Variants in SP100 observed in about 807,000 individuals in gnomAD.
The protein encoded by SP100 is SP100 nuclear body protein.
SP100 carries 84 observed loss-of-function variants against 130.0 expected under a neutral mutation model. That is an observed-to-expected ratio of 0.65 (90% CI 0.54 to 0.77). The LOEUF is 0.77. SP100 is among the 30% of genes least tolerant of loss of function. The probability of loss-of-function intolerance (pLI) is 0.00; values close to 1 mark genes in which losing one functional copy is unlikely to be tolerated. For synonymous variants in SP100, 331 were observed against 351.7 expected, an observed-to-expected ratio of 0.94 and a Z score of 0.66; for missense variants, 978 against 1,052.2, an observed-to-expected ratio of 0.93 and a Z score of 0.97.
chr2:230,473,881 C>G (rs79461864), intron 16 of SP100, among the ~76,000 whole-genome samples: 147 of 148,580 alleles, frequency 9.9e-4, no homozygotes, highest in African/African-American at 3.5e-3. Context: ...CATCCTTGTT[C>G]TTGAAAAAAA....
At chr2:230,464,935 T>C (rs1426257056) in intron 11 of SP100, among the ~76,000 whole-genome samples, 1 of 152,042 alleles carries the variant, frequency 6.6e-6, no homozygotes, top group Non-Finnish European at 1.5e-5. Flanking sequence ...CTACCAAAAA[T>C]ACAAAAATTA....
chr2:230,528,766 A>T (rs181841860), intron 24 of SP100, among the ~76,000 whole-genome samples: 1 of 152,364 alleles, frequency 6.6e-6, no homozygotes, highest in African/African-American at 2.4e-5. Context: ...ATCCCACAGA[A>T]ATACAAACTA....
intron 24 of SP100, chr2:230,538,308 T>G (rs1692027975): frequency 6.6e-6 from 1 of 152,272 alleles, no homozygotes; most frequent in African/African-American, 2.4e-5. Context: ...GTATTTATTC[T>G]TTCTTGGGGC....
At chr2:230,442,065 A>G (rs2063493029) in intron 2 of SP100, among the ~76,000 whole-genome samples, 3 of 152,172 alleles carry the variant, frequency 2.0e-5, no homozygotes, top group Admixed American at 2.0e-4. Context: ...ATTCAAAACA[A>G]TAATGTAACA....
intron 21 of SP100, among the ~76,000 whole-genome samples, chr2:230,505,275 A>T (rs894471931): frequency 6.6e-6 from 1 of 152,198 alleles, no homozygotes; most frequent in Non-Finnish European, 1.5e-5. Flanking sequence ...AAAGGCCCAC[A>T]AGACATCCAA....
At chr2:230,475,314 T>C (rs1016534105) in intron 17 of SP100, among the ~76,000 whole-genome samples, 1 of 152,218 alleles carries the variant, frequency 6.6e-6, no homozygotes, top group Non-Finnish European at 1.5e-5. Context: ...TTTTTTCATG[T>C]TTGTTGACCA....
At chr2:230,476,077 G>A (rs1335360966) in intron 17 of SP100, among the ~76,000 whole-genome samples, 2 of 152,142 alleles carry the variant, frequency 1.3e-5, no homozygotes, top group African/African-American at 4.8e-5. Context: ...TGTGAAAAAT[G>A]ACGCTTTTAT....
intron 19 of SP100, among the ~76,000 whole-genome samples, chr2:230,500,759 C>G (rs78917595): frequency 6.6e-6 from 1 of 152,086 alleles, no homozygotes; most frequent in Non-Finnish European, 1.5e-5. Flanking sequence ...GAGTCCCACA[C>G]AGAACCACCC....
chr2:230,473,347 A>T lies in SP100; in HGVS notation c.1453A>T (p.Asn485Tyr), dbSNP rs1306161088. The part of the protein sequence containing the change: ...GSGSQPQEPE[N>Y]KKCSCVMCFP... ...AGGATCACAGCCACAAGAACCTGAA[A>T]ATAAGAAGTGCTCCTGTGTCATGTG... The change falls in exon 16 of 29, where the codon AAT (asparagine) becomes TAT (tyrosine). Residue 485 changes from asparagine (N) to tyrosine (Y), a missense_variant. By Grantham distance (143) the Asn-to-Tyr change is moderately radical. Transcript: ENST00000340126. 1 of 1,613,392 alleles carries T rather than the reference A, an allele frequency of 6.2e-7. No individual in the cohort carries two copies. Among genetic ancestry groups the T allele is most frequent in the African/African-American group, 1.3e-5 (1 of 74,920 alleles).
chr2:230,491,780 C>G (rs760949608), intron 17 of SP100, among the ~76,000 whole-genome samples: 1 of 152,186 alleles, frequency 6.6e-6, no homozygotes, highest in African/African-American at 2.4e-5. Flanking sequence ...GGTGGGGACA[C>G]GGAGCCAAAC....
intron 23 of SP100, chr2:230,508,970 T>TACACACACACACACACAC (rs71396639): frequency 1.5e-5 from 2 of 135,750 alleles, no homozygotes; most frequent in Non-Finnish European, 3.1e-5. Context: ...CACACACACA[T>TACACACACACACACACAC]ACACACACAC....
intron 2 of SP100, among the ~76,000 whole-genome samples, chr2:230,418,530 C>T (rs112217025): frequency 6.6e-6 from 1 of 152,086 alleles, no homozygotes; most frequent in Non-Finnish European, 1.5e-5. Context: ...TCTAGCCAGG[C>T]TTGGCCAGGG....
intron 17 of SP100, among the ~76,000 whole-genome samples, chr2:230,492,009 C>T (rs2066417473): frequency 6.6e-6 from 1 of 152,030 alleles, no homozygotes. Flanking sequence ...CTAGTGATTA[C>T]TTTTAGGATT....
chr2:230,468,416 TATG>T (rs2065069516), intron 13 of SP100, among the ~76,000 whole-genome samples: 1 of 152,146 alleles, frequency 6.6e-6, no homozygotes, highest in African/African-American at 2.4e-5. Flanking sequence ...TCACACCAAA[TATG>T]ATAAGATTTT....
rs375914710 is a variant in SP100, at chr2:230,515,312, G to T, written c.2094+4146G>T. 6.2e-6 allele frequency: 10 copies of T among 1,613,260 alleles called. No homozygotes were observed. The African/African-American group carries it at 1.2e-4, about 19-fold the overall frequency. On this transcript the variant is annotated intron_variant, in intron 24 of 28. Coordinates refer to ENST00000340126, the MANE Select transcript of SP100 (RefSeq NM_001080391.2). ...TTCAAGGATCCCAATGCACCCAAGA[G>T]GCCTCCTTTGGCCTTTTTCCTGTTC...
Position 230,416,282 on chromosome 2 carries a change from G to A in SP100, c.-15G>A, listed in dbSNP as rs747283107. 2.5e-6 allele frequency: 4 copies of A among 1,612,768 alleles called. No homozygotes were observed. Among genetic ancestry groups the A allele is most frequent in the Middle Eastern group, 3.3e-4 (2 of 6,074 alleles). ...GGCCAGGCTCTGAGGCCCACGCAGG[G>A]CCTAGGGTGGGAAGATGGCAGGTGG... is the stretch of plus-strand genomic sequence containing the variant. On this transcript the variant is annotated 5_prime_UTR_variant, in exon 1 of 29. Coordinates refer to ENST00000340126, the MANE Select transcript of SP100 (RefSeq NM_001080391.2).
intron 2 of SP100, chr2:230,440,422 G>A (rs1043913801): frequency 1.7e-5 from 9 of 542,992 alleles, no homozygotes; most frequent in African/African-American, 4.0e-5. Context: ...AAATAACTAG[G>A]AATAAATTTA....
Position 230,539,256 on chromosome 2 carries a change from T to G in SP100, c.2095-11T>G, listed in dbSNP as rs1394664685. 2 of 1,573,596 alleles carry G rather than the reference T, an allele frequency of 1.3e-6. No individual in the cohort carries two copies. The highest frequency in any genetic ancestry group is 1.7e-6 in the Non-Finnish European group (2 of 1,143,252). On this transcript the variant is annotated splice_polypyrimidine_tract_variant and intron_variant, in intron 24 of 28. Transcript: ENST00000340126. The stretch of plus-strand genomic sequence containing the variant: ...CACTGATCCCGGTGATGTCTACATC[T>G]CCCCTTCTAGCCGGAAAACTCAAAT...
At chr2:230,464,255 T>C (rs902619324) in intron 11 of SP100, 105 bp downstream of exon 11, 3 of 699,344 alleles carry the variant, frequency 4.3e-6, no homozygotes, top group Non-Finnish European at 7.6e-6. Flanking sequence ...CCTTATGCCT[T>C]GATTCCATAA....
Sources: allele counts gnomAD v4.1 joint callset (sites outside exome capture counted in the v4.1 genomes callset), GRCh38; gene constraint gnomAD v4.1.1; transcripts MANE v1.5; gene names NCBI Gene and HGNC (gene_info 2026-07-23, HGNC 2026-07-21).